TBC1D5: variants seen among roughly 807,000 people sequenced by gnomAD.
The protein encoded by TBC1D5 is TBC1 domain family member 5.
TBC1D5 carries 75 observed loss-of-function variants against 100.3 expected under a neutral mutation model. The ratio of observed to expected loss-of-function variants is 0.75; its 90% CI spans 0.62 to 0.91. The LOEUF is 0.91. Among genes scored for constraint, TBC1D5 ranks in the 40% least tolerant of loss-of-function variants. The pLI is 0.00. For missense variants in TBC1D5, 910 were observed against 942.4 expected (o/e 0.97, Z 0.45); for synonymous variants, 323 against 325.6 (o/e 0.99, Z 0.09).
intron 8 of TBC1D5, among the ~76,000 whole-genome samples, chr3:17,401,728 G>C (rs17043556): frequency 0.091 from 13,867 of 152,094 alleles, 1,428 homozygotes; most frequent in African/African-American, 0.26. Context: ...AGATCAATCT[G>C]AAGTTGGCAA....
intron 3 of TBC1D5, among the ~76,000 whole-genome samples, chr3:17,475,855 G>C (rs148676415): frequency 6.6e-6 from 1 of 151,972 alleles, no homozygotes; most frequent in Non-Finnish European, 1.5e-5. Context: ...CAAAATGTTT[G>C]AACCAACTTT....
chr3:17,383,745 C>CA (rs149915450), intron 9 of TBC1D5, among the ~76,000 whole-genome samples, 168 bp downstream of exon 9: 10,282 of 152,068 alleles, frequency 0.068, 701 homozygotes, highest in African/African-American at 0.18. Flanking sequence ...ATATGTGCTT[C>CA]AATGAGCTTA....
chr3:17,669,118 T>C (rs903066285), intron 1 of TBC1D5, among the ~76,000 whole-genome samples: 20 of 152,302 alleles, frequency 1.3e-4, no homozygotes, highest in Middle Eastern at 3.4e-3. Flanking sequence ...CATACTGTTC[T>C]CATGATAGTG....
At chr3:17,311,668 A>G (rs1048614438) in intron 13 of TBC1D5, among the ~76,000 whole-genome samples, 9 of 152,080 alleles carry the variant, frequency 5.9e-5, no homozygotes, top group African/African-American at 2.2e-4. Context: ...ATATACAGAG[A>G]AACAAAATTA....
intron 2 of TBC1D5, among the ~76,000 whole-genome samples, chr3:17,521,658 G>C (rs1407098160): frequency 6.6e-6 from 1 of 151,230 alleles, no homozygotes; most frequent in Non-Finnish European, 1.5e-5. Flanking sequence ...TGCATAATTT[G>C]GGGGGGGAAA....
At chr3:17,602,633 C>T (rs2061045084) in intron 2 of TBC1D5, among the ~76,000 whole-genome samples, 3 of 120,518 alleles carry the variant, frequency 2.5e-5, no homozygotes, top group South Asian at 2.8e-4. Context: ...AGTGCAGTGG[C>T]GCAATCTCGG....
chr3:17,735,966 T>C (rs747905947), intron 1 of TBC1D5, among the ~76,000 whole-genome samples: 5 of 152,352 alleles, frequency 3.3e-5, no homozygotes, highest in African/African-American at 4.8e-5. Context: ...CCTGCTCTAA[T>C]GCCTGGGTTT....
At chr3:17,331,572 ATGTAT>A (rs2086867200) in intron 13 of TBC1D5, among the ~76,000 whole-genome samples, 1 of 152,238 alleles carries the variant, frequency 6.6e-6, no homozygotes, top group Non-Finnish European at 1.5e-5. Context: ...TTTATTAAGA[ATGTAT>A]CTATGCCAGG....
intron 2 of TBC1D5, among the ~76,000 whole-genome samples, chr3:17,557,225 T>C (rs1276068747): frequency 2.0e-5 from 3 of 152,144 alleles, no homozygotes; most frequent in Non-Finnish European, 4.4e-5. Context: ...ACGAACAATC[T>C]TAGAAACAAG....
chr3:17,464,876 A>C (rs1390477216), intron 3 of TBC1D5, among the ~76,000 whole-genome samples: 1 of 152,052 alleles, frequency 6.6e-6, no homozygotes, highest in Non-Finnish European at 1.5e-5. Context: ...ATAAAAAAAA[A>C]CAGTATTCTG....
chr3:17,607,061 T>C (rs2061374926), intron 2 of TBC1D5, among the ~76,000 whole-genome samples: 1 of 152,208 alleles, frequency 6.6e-6, no homozygotes, highest in Non-Finnish European at 1.5e-5. Flanking sequence ...AATCAGTGAT[T>C]TTCCAGAATA....
intron 1 of TBC1D5, among the ~76,000 whole-genome samples, chr3:17,634,644 A>AT (rs1443446785): frequency 6.6e-6 from 1 of 151,814 alleles, no homozygotes; most frequent in Non-Finnish European, 1.5e-5. Flanking sequence ...AAAAAAAAAA[A>AT]AGTGAATAAG....
chr3:17,210,338 C>T (rs2072817061), intron 18 of TBC1D5, among the ~76,000 whole-genome samples: 1 of 151,994 alleles, frequency 6.6e-6, no homozygotes, highest in Non-Finnish European at 1.5e-5. Context: ...CAGGCACCCG[C>T]CACCATGCCT....
chr3:17,173,076 C>T (rs370124926), intron 19 of TBC1D5, among the ~76,000 whole-genome samples: 2 of 152,326 alleles, frequency 1.3e-5, no homozygotes, highest in East Asian at 1.9e-4. Flanking sequence ...CGCACCCAGT[C>T]GTTTCATTTG....
At chr3:17,381,243 G>A (rs1449362781) in intron 9 of TBC1D5, among the ~76,000 whole-genome samples, 1 of 151,966 alleles carries the variant, frequency 6.6e-6, no homozygotes, top group Non-Finnish European at 1.5e-5. Context: ...TAGATGGAGT[G>A]CACAGTTATT....
chr3:17,639,940 G>A (rs1051401539), intron 1 of TBC1D5, among the ~76,000 whole-genome samples: 9 of 152,082 alleles, frequency 5.9e-5, no homozygotes, highest in Non-Finnish European at 1.0e-4. Flanking sequence ...ACCTGATGTC[G>A]CAACAAGCAT....
In TBC1D5 at chr3:17,485,625, A is replaced by T. The variant is rs551774288; in HGVS notation, c.97+22849T>A. On this transcript the variant is annotated intron_variant, in intron 3 of 21. Coordinates refer to ENST00000253692, the Ensembl canonical transcript of TBC1D5. ...TTTGTCCTTGCAATAGTTTGCTGAG[A>T]ATGATTATTTCCAATTTCATCCCTG... 1.7e-4 allele frequency among the ~76,000 whole-genome samples: 26 copies of T among 152,010 alleles called. No individual in the cohort carries two copies. In the South Asian group the frequency reaches 5.4e-3, roughly 32 times the overall value.
chr3:17,252,457 G>A (rs1240236221), intron 16 of TBC1D5, among the ~76,000 whole-genome samples: 2 of 152,300 alleles, frequency 1.3e-5, no homozygotes, highest in African/African-American at 2.4e-5. Flanking sequence ...TAGGTCCTCT[G>A]TAGAAGGCTG....
At chr3:17,193,107 G>A (rs1040041247) in intron 18 of TBC1D5, among the ~76,000 whole-genome samples, 1 of 152,180 alleles carries the variant, frequency 6.6e-6, no homozygotes, top group Non-Finnish European at 1.5e-5. Flanking sequence ...AATTTATAAA[G>A]TTAAAAATTG....
Sources: gnomAD v4.1 joint callset for allele counts (sites outside exome capture counted in the v4.1 genomes callset) on GRCh38, gnomAD v4.1.1 for gene constraint, MANE v1.5 for transcripts, NCBI Gene and HGNC (gene_info 2026-07-23, HGNC 2026-07-21) for gene names.